G3BP1: variants seen among roughly 807,000 people sequenced by gnomAD.
G3BP1 encodes G3BP stress granule assembly factor 1.
Under a neutral mutation model 58.6 loss-of-function variants are expected in G3BP1, and 35 were observed. That is an observed-to-expected ratio of 0.60 (90% CI 0.46 to 0.79). The LOEUF is 0.79. Ranked by LOEUF, G3BP1 falls within the 30% of genes least tolerant of loss-of-function variation. G3BP1 has a pLI of 0.00. For synonymous variants in G3BP1, 191 were observed against 195.4 expected (o/e 0.98, Z 0.19); for missense variants, 523 against 580.8 (o/e 0.90, Z 1.02).
At chr5:151,803,239 GTGA>G (rs1288578437) in intron 11 of G3BP1, among the ~76,000 whole-genome samples, 4 of 152,172 alleles carry the variant, frequency 2.6e-5, no homozygotes, top group East Asian at 1.9e-4. Flanking sequence ...TTTCACACTG[GTGA>G]TGATGAGGTT....
At chr5:151,776,441 A>G (rs1385621438) in intron 1 of G3BP1, among the ~76,000 whole-genome samples, 1 of 152,192 alleles carries the variant, frequency 6.6e-6, no homozygotes, top group Non-Finnish European at 1.5e-5. Context: ...TTGTGGAAGT[A>G]TATTAAAGCT....
At chr5:151,780,567 G>A (rs930111369) in intron 1 of G3BP1, among the ~76,000 whole-genome samples, 1 of 152,128 alleles carries the variant, frequency 6.6e-6, no homozygotes, top group African/African-American at 2.4e-5. Flanking sequence ...CTGGAGTGCG[G>A]TGGTGCGATC....
chr5:151,800,668 A>G, intron 10 of G3BP1, 92 bp from the exon 11 acceptor site: 1 of 791,834 alleles, frequency 1.3e-6, no homozygotes, highest in Admixed American at 1.8e-5. Flanking sequence ...CAGTAGTCAC[A>G]TGCATCTAGT....
intron 6 of G3BP1, among the ~76,000 whole-genome samples, chr5:151,795,939 G>C (rs1762741419): frequency 6.6e-6 from 1 of 152,070 alleles, no homozygotes; most frequent in Non-Finnish European, 1.5e-5. Context: ...ATTAGAGATC[G>C]GGCATAAATT....
At position 151,810,726 on chromosome 5, in the gene G3BP1, A is replaced by G. The variant is rs1258630527; in HGVS notation, c.*6635A>G. 2 of 152,102 alleles carry G rather than the reference A, an allele frequency of 1.3e-5. No homozygotes were observed. Among genetic ancestry groups the G allele is most frequent in the African/African-American group, 2.4e-5 (1 of 41,396 alleles). The allele number at this position is 152,102 out of a possible 1,614,324, so 9.4% of individuals were successfully genotyped here. A position where few individuals can be genotyped will look rare whatever the true frequency, so the allele number is the denominator to read the frequency against. ...CTTACTGAGTTGAATAACTTAATAT[A>G]TTTCTGTTTTCATTCCCAAGGGAGG... On this transcript the variant is annotated 3_prime_UTR_variant, in exon 12 of 12. Coordinates refer to ENST00000356245, the MANE Select transcript of G3BP1 (RefSeq NM_005754.3).
chr5:151,795,332 A>T, intron 5 of G3BP1, 147 bp from the exon 6 acceptor site: 1 of 570,906 alleles, frequency 1.8e-6, no homozygotes. Flanking sequence ...TCTGTCCTTA[A>T]AGTCAGTGCC....
chr5:151,806,504 A>G lies in G3BP1; in HGVS notation c.*2413A>G, dbSNP rs1762940085. On this transcript the variant is annotated 3_prime_UTR_variant, in exon 12 of 12. Transcript: ENST00000356245. ...TGGGATGATTGTGAGGTTTTGAATG[A>G]TAGTATTGGACCTAAGAAATAGGAT... 6.6e-6 allele frequency: 1 copy of G among 152,164 alleles called. No homozygotes were observed. Among genetic ancestry groups the G allele is most frequent in the Non-Finnish European group, 1.5e-5 (1 of 68,032 alleles). 9.4% of individuals were successfully genotyped at this position (152,164 alleles called of 1,614,324 possible).
At chr5:151,792,884 G>A (rs1164858477) in intron 4 of G3BP1, among the ~76,000 whole-genome samples, 1 of 152,094 alleles carries the variant, frequency 6.6e-6, no homozygotes, top group East Asian at 1.9e-4. Flanking sequence ...CAAAGTGTTG[G>A]GATTTCAGGA....
At chr5:151,789,835 A>G (rs979280067) in intron 2 of G3BP1, among the ~76,000 whole-genome samples, 1 of 152,128 alleles carries the variant, frequency 6.6e-6, no homozygotes, top group Admixed American at 6.6e-5. Context: ...ATCAAGTGGC[A>G]TGTAGGGGAT....
At chr5:151,779,536 GTATC>G (rs1762431523) in intron 1 of G3BP1, among the ~76,000 whole-genome samples, 1 of 152,094 alleles carries the variant, frequency 6.6e-6, no homozygotes, top group Non-Finnish European at 1.5e-5. Context: ...TCTAGCCTGT[GTATC>G]TATGTACGGT....
chr5:151,779,293 T>G (rs150375596), intron 1 of G3BP1, among the ~76,000 whole-genome samples: 28 of 152,380 alleles, frequency 1.8e-4, no homozygotes, highest in Non-Finnish European at 7.3e-5. Flanking sequence ...TTTTACACTT[T>G]GATTACACTG....
intron 1 of G3BP1, among the ~76,000 whole-genome samples, chr5:151,777,932 T>A (rs912122405): frequency 6.6e-6 from 1 of 152,126 alleles, no homozygotes; most frequent in African/African-American, 2.4e-5. Context: ...GTTCTTTTTT[T>A]AATTGCTCAG....
intron 1 of G3BP1, among the ~76,000 whole-genome samples, chr5:151,785,465 T>C (rs932981881): frequency 6.6e-6 from 1 of 152,222 alleles, no homozygotes; most frequent in Non-Finnish European, 1.5e-5. Flanking sequence ...CTAAAATTTT[T>C]CTTTCTTTTC....
At chr5:151,791,336 C>A in intron 4 of G3BP1, 1 of 258,160 alleles carries the variant, frequency 3.9e-6, no homozygotes, top group Non-Finnish European at 7.5e-6. Context: ...AATGTTGATG[C>A]AATATAATCT....
chr5:151,799,684 CA>C (rs534014241), intron 8 of G3BP1, among the ~76,000 whole-genome samples: 42 of 125,622 alleles, frequency 3.3e-4, no homozygotes, highest in East Asian at 6.9e-4. Context: ...GACTCTGGCT[CA>C]AAAAAAAAAA....
intron 1 of G3BP1, among the ~76,000 whole-genome samples, chr5:151,773,555 T>C (rs1273919531): frequency 6.6e-6 from 1 of 152,250 alleles, no homozygotes; most frequent in East Asian, 1.9e-4. Context: ...TTTTAGATTA[T>C]TTAAAAGCCA....
chr5:151,802,681 C>A lies in G3BP1; in HGVS notation c.1195-1204C>A, dbSNP rs150568359. Among the ~76,000 whole-genome samples the A allele has an allele frequency of 8.6e-3, 1,317 of 152,332 alleles. 17 individuals are homozygous for A. The highest frequency in any genetic ancestry group is 0.03 in the African/African-American group (1,264 of 41,572). On this transcript the variant is annotated intron_variant, in intron 11 of 11. Transcript: ENST00000356245. The stretch of plus-strand genomic sequence containing the variant: ...GGGCACAGTGGCTCACGCCTGTAAT[C>A]CCAGCACTTTGGGAGGCCGAGGCGG...
chr5:151,801,404 T>TA (rs1449733147), intron 11 of G3BP1, among the ~76,000 whole-genome samples: 1 of 152,240 alleles, frequency 6.6e-6, no homozygotes. Flanking sequence ...ATGGAAATCT[T>TA]ACTGTGGGAT....
chr5:151,778,944 C>T (rs1762420009), intron 1 of G3BP1, among the ~76,000 whole-genome samples: 1 of 151,822 alleles, frequency 6.6e-6, no homozygotes, highest in Non-Finnish European at 1.5e-5. Context: ...GTAATCCCAG[C>T]TGCTTGAGAA....
Sources: gnomAD v4.1 joint callset for allele counts (sites outside exome capture counted in the v4.1 genomes callset) on GRCh38, gnomAD v4.1.1 for gene constraint, MANE v1.5 for transcripts, NCBI Gene and HGNC (gene_info 2026-07-23, HGNC 2026-07-21) for gene names.